The following ACTN2 variants were observed in gnomAD, a reference collection of about 807,000 sequenced individuals.
The protein encoded by ACTN2 is actinin alpha 2.
ACTN2 carries 39 observed loss-of-function variants against 113.8 expected under a neutral mutation model. The ratio of observed to expected loss-of-function variants is 0.34; its 90% confidence interval spans 0.27 to 0.45. The LOEUF is 0.45. Among genes scored for constraint, ACTN2 ranks in the 20% least tolerant of loss-of-function variants. The pLI is 1.00. For synonymous variants in ACTN2, 429 were observed against 444.1 expected (o/e 0.97, Z 0.43); for missense variants, 992 against 1,177.9 (o/e 0.84, Z 2.31).
At position 236,709,255 on chromosome 1, in the gene ACTN2, T is replaced by TACAC. The variant is rs372642966; in HGVS notation, c.127-8589_127-8586dup. Among the ~76,000 whole-genome samples the TACAC allele has an allele frequency of 2.9e-3, 201 of 68,862 alleles. 1 individual carries two copies. The highest frequency in any genetic ancestry group is 6.4e-3 in the East Asian group (17 of 2,670). The allele number at this position is 68,862 out of a possible 152,430, so 45.2% of individuals were successfully genotyped here. On this transcript the variant is annotated intron_variant, in intron 1 of 20. Coordinates refer to ENST00000366578, the MANE Select transcript of ACTN2 (RefSeq NM_001103.4). ...ATATATATATATATATATATATATA[T>TACAC]ACACACACACACACACATATATATG... is the stretch of plus-strand genomic sequence containing the variant.
At position 236,754,079 on chromosome 1, in the gene ACTN2, G is replaced by C. The variant is rs374135486; in HGVS notation, c.1972G>C (p.Glu658Gln). 6 of 1,613,808 alleles carry C rather than the reference G, an allele frequency of 3.7e-6. No homozygotes were observed. The African/African-American group carries it at 8.0e-5, about 22-fold the overall frequency. ...AIGPWIQNKM[E>Q]EIARSSIQIT... ...TGGGCCCTGGATCCAGAACAAGATG[G>C]AGGTAAGCCAGCGCCCTCCCAGGCG... The change falls in exon 16 of 21, where the codon GAG becomes CAG. Residue 658 changes from glutamate to glutamine, a missense_variant and splice_region_variant. Around this residue, in one of 3 missense-constraint regions of ACTN2, gnomAD observed 736 missense variants for 815.4 expected, o/e 0.90. Transcript: ENST00000366578. The surrounding 1 kb of genome is among the most constrained non-coding windows in gnomAD (Gnocchi z 4.9).
intron 1 of ACTN2, among the ~76,000 whole-genome samples, chr1:236,715,235 C>T (rs867848090): frequency 6.6e-6 from 1 of 151,076 alleles, no homozygotes; most frequent in Non-Finnish European, 1.5e-5. Context: ...TATACATGTG[C>T]CATGTTGGTG....
chr1:236,700,661 G>A (rs1008101085), intron 1 of ACTN2, among the ~76,000 whole-genome samples: 2 of 152,158 alleles, frequency 1.3e-5, no homozygotes, highest in African/African-American at 4.8e-5. Context: ...ACAGGAGGTG[G>A]GAACAATGTC....
At chr1:236,727,574 A>G in intron 5 of ACTN2, 104 bp from the exon 6 acceptor site, 1 of 1,206,662 alleles carries the variant, frequency 8.3e-7, no homozygotes, top group Non-Finnish European at 1.2e-6. Flanking sequence ...CCCTCCGTGC[A>G]TGAAGTCAGA....
In ACTN2 at chr1:236,763,882, A is replaced by C. The variant is rs1426301969; in HGVS notation, c.*1263A>C. On this transcript the variant is annotated 3_prime_UTR_variant, in exon 21 of 21. Coordinates refer to ENST00000366578, the MANE Select transcript of ACTN2 (RefSeq NM_001103.4). ...CTTTTTGCTCATACTGCTGTAGGCT[A>C]TAATTCCCCCCTGTTTTTCCATCTT... 1 of 152,230 alleles carries C rather than the reference A, an allele frequency of 6.6e-6. No homozygotes were observed. The highest frequency in any genetic ancestry group is 2.4e-5 in the African/African-American group (1 of 41,452). The allele number at this position is 152,230 out of a possible 1,614,324, so 9.4% of individuals were successfully genotyped here.
At chr1:236,745,501 G>A (rs575036490) in intron 12 of ACTN2, among the ~76,000 whole-genome samples, 9 of 152,322 alleles carry the variant, frequency 5.9e-5, no homozygotes, top group Admixed American at 4.6e-4. Flanking sequence ...CAGAAGAGAC[G>A]TCAGGACCCC....
intron 1 of ACTN2, among the ~76,000 whole-genome samples, chr1:236,708,589 G>C (rs1657904166): frequency 6.6e-6 from 1 of 152,196 alleles, no homozygotes; most frequent in Admixed American, 6.5e-5. Flanking sequence ...TTTCAAGACG[G>C]TTGAGTGTCT....
chr1:236,720,650 A>G (rs1337429133), intron 4 of ACTN2, among the ~76,000 whole-genome samples: 1 of 151,864 alleles, frequency 6.6e-6, no homozygotes, highest in Non-Finnish European at 1.5e-5. Flanking sequence ...CAAGACCTCT[A>G]TTGTCACTGT....
intron 12 of ACTN2, 21 bp from the exon 13 acceptor site, chr1:236,747,642 CTTTA>C (rs1659275735): frequency 2.5e-6 from 4 of 1,591,210 alleles, no homozygotes; most frequent in East Asian, 2.2e-5. Flanking sequence ...GAAAGTTAAT[CTTTA>C]TTTATTTTCA....
At chr1:236,752,723 T>G (rs547945878) in intron 15 of ACTN2, among the ~76,000 whole-genome samples, 1 of 151,918 alleles carries the variant, frequency 6.6e-6, no homozygotes, top group Non-Finnish European at 1.5e-5. Flanking sequence ...GGCTAATTTT[T>G]TATATTTTTG....
rs1322573336 is a variant in ACTN2, at chr1:236,709,272, ATATATATG to A, written c.127-8578_127-8571del. ...TATATATATACACACACACACACAC[ATATATATG>A]TATATATATGTATATATGTATATAT... On this transcript the variant is annotated intron_variant, in intron 1 of 20. Coordinates refer to ENST00000366578, the MANE Select transcript of ACTN2 (RefSeq NM_001103.4). Among the ~76,000 whole-genome samples the A allele has an allele frequency of 5.3e-5, 7 of 132,242 alleles. No homozygotes were observed. The East Asian group carries it at 1.1e-3, about 21-fold the overall frequency. 86.8% of individuals were successfully genotyped at this position (132,242 alleles called of 152,430 possible).
intron 13 of ACTN2, 28 bp downstream of exon 13, chr1:236,747,803 T>C (rs1659282849): frequency 1.3e-6 from 2 of 1,518,400 alleles, no homozygotes; most frequent in Non-Finnish European, 1.8e-6. Flanking sequence ...CTTGTTGACA[T>C]GAAATCTTTT....
At chr1:236,734,387 C>T (rs967489277) in intron 7 of ACTN2, 45 of 1,363,516 alleles carry the variant, frequency 3.3e-5, no homozygotes, top group Admixed American at 2.9e-4. Context: ...CAGAAGCCTG[C>T]TGGTATTAGA....
At chr1:236,731,430 A>ATGTAAC in intron 7 of ACTN2, 116 bp downstream of exon 7, 1 of 773,392 alleles carries the variant, frequency 1.3e-6, no homozygotes, top group Non-Finnish European at 2.2e-6. Context: ...AGTACTTTGG[A>ATGTAAC]TTCCTAACAA....
rs201871764 is a variant in ACTN2 at position 236,689,696 on chromosome 1, T to C, written c.126+2897T>C. 1.2e-4 allele frequency among the ~76,000 whole-genome samples: 18 copies of C among 152,280 alleles called. 1 individual carries two copies. The East Asian group carries it at 2.9e-3, about 24-fold the overall frequency. ...GACACTGAAATGCTGAGACACACTC[T>C]TGGAGTTAGAATGTTCTACCATATA... On this transcript the variant is annotated intron_variant, in intron 1 of 20. Transcript: ENST00000366578.
At chr1:236,693,983 T>C (rs1185404101) in intron 1 of ACTN2, among the ~76,000 whole-genome samples, 1 of 152,112 alleles carries the variant, frequency 6.6e-6, no homozygotes, top group Non-Finnish European at 1.5e-5. Context: ...ATGTCCCTGA[T>C]TGCCTGTCAC....
intron 1 of ACTN2, among the ~76,000 whole-genome samples, chr1:236,692,690 CTT>C (rs1666127103): frequency 6.6e-6 from 1 of 152,204 alleles, no homozygotes; most frequent in African/African-American, 2.4e-5. Flanking sequence ...AAAAAACACT[CTT>C]TGCTTTTACA....
At chr1:236,707,709 C>CTTT (rs5781919) in intron 1 of ACTN2, among the ~76,000 whole-genome samples, 1 of 78,754 alleles carries the variant, frequency 1.3e-5, no homozygotes, top group East Asian at 3.6e-4. Context: ...TCTTTTTTTT[C>CTTT]TTTTTTTTTT....
chr1:236,705,522 G>A (rs1558225763), intron 1 of ACTN2, among the ~76,000 whole-genome samples: 3 of 152,160 alleles, frequency 2.0e-5, no homozygotes, highest in Non-Finnish European at 4.4e-5. Flanking sequence ...TTCTGTGGGA[G>A]GTGGAGTGTC....
Sources: gnomAD v4.1 joint callset for allele counts (sites outside exome capture counted in the v4.1 genomes callset) on GRCh38, gnomAD v4.1.1 for gene constraint, gnomAD v4.1.1 regional missense constraint, Gnocchi (gnomAD v3.1) non-coding constraint, MANE v1.5 for transcripts, NCBI Gene and HGNC (gene_info 2026-07-23, HGNC 2026-07-21) for gene names.